COL18A1: variants seen among roughly 807,000 people sequenced by gnomAD.
The protein encoded by COL18A1 is collagen alpha-1(XVIII) chain.
In COL18A1, 133 loss-of-function variants were observed where a neutral mutation model predicts 168.0. The observed-to-expected ratio is 0.79, with a 90% CI of 0.69 to 0.91. The LOEUF (loss-of-function observed/expected upper bound fraction) is 0.91. Among genes scored for constraint, COL18A1 ranks in the 40% least tolerant of loss-of-function variants. COL18A1 has a pLI of 0.00. For missense variants in COL18A1, 2,126 were observed against 1,925.4 expected (o/e 1.10, Z -1.95); for synonymous variants, 949 against 809.0 (o/e 1.17, Z -2.94).
chr21:45,432,705 TC>T (rs1237246487), intron 2 of COL18A1, among the ~76,000 whole-genome samples: 1 of 152,206 alleles, frequency 6.6e-6, no homozygotes, highest in African/African-American at 2.4e-5. Context: ...ATTCCGTGGG[TC>T]CGTGGGCTGG....
rs544689589 is a variant in COL18A1, at chr21:45,490,511, C to T, written c.2031+165C>T. Among the ~76,000 whole-genome samples the T allele has an allele frequency of 5.1e-3, 650 of 128,456 alleles. 5 individuals carry two copies. The highest frequency in any genetic ancestry group is 8.4e-3 in the Middle Eastern group (2 of 238). 84.3% of individuals were successfully genotyped at this position (128,456 alleles called of 152,430 possible). ...GTGCCCTCCCGGGTCTCTGGGCCTCCGTGTGCCCACTCCCGGGTCTCTGGG... is the reference window on the plus strand; with the variant it reads ...GTGCCCTCCCGGGTCTCTGGGCCTCTGTGTGCCCACTCCCGGGTCTCTGGG... On this transcript the variant is annotated intron_variant, in intron 20 of 41. Transcript: ENST00000651438.
chr21:45,429,721 C>T (rs2033901566), intron 2 of COL18A1, among the ~76,000 whole-genome samples: 1 of 152,204 alleles, frequency 6.6e-6, no homozygotes, highest in Non-Finnish European at 1.5e-5. Flanking sequence ...TCAGCATCCT[C>T]TCCAGGGCAT....
chr21:45,454,418 G>A (rs1004958083), intron 2 of COL18A1, among the ~76,000 whole-genome samples: 3 of 152,180 alleles, frequency 2.0e-5, no homozygotes, highest in South Asian at 2.1e-4. Context: ...GCAGGGTGAC[G>A]AGGGACTCCA....
intron 2 of COL18A1, among the ~76,000 whole-genome samples, chr21:45,460,399 G>A (rs1462039135): frequency 2.0e-5 from 3 of 152,198 alleles, no homozygotes; most frequent in Admixed American, 6.5e-5. Flanking sequence ...CACGAGTCCC[G>A]TGATCTTGGA....
chr21:45,446,620 GGA>G (rs2034510792), intron 2 of COL18A1, among the ~76,000 whole-genome samples: 3 of 152,170 alleles, frequency 2.0e-5, no homozygotes, highest in African/African-American at 7.2e-5. Flanking sequence ...CAAAAGACTA[GGA>G]GAGTGGGAAA....
At chr21:45,479,563 A>G (rs1393609538) in intron 9 of COL18A1, among the ~76,000 whole-genome samples, 2 of 114,450 alleles carry the variant, frequency 1.7e-5, no homozygotes, top group Non-Finnish European at 3.6e-5. Flanking sequence ...CATATCACAC[A>G]TGTACACACC....
chr21:45,498,741 G>GGAGAA lies in COL18A1; in HGVS notation c.2683+1084_2683+1088dup, dbSNP rs2036636290. On this transcript the variant is annotated intron_variant, in intron 32 of 41. Transcript: ENST00000651438. The surrounding 1 kb of genome is among the most constrained non-coding windows in gnomAD (Gnocchi z 4.5). ...ATGATGCACAGATGACCAGAAACCA[G>GGAGAA]GAGAAGAGGCCAGTGACACACCAGA... The GGAGAA allele has an allele frequency of 1.6e-6, 1 of 611,302 alleles. No homozygotes were observed. The highest frequency in any genetic ancestry group is 1.8e-5 in the African/African-American group (1 of 54,230). 37.9% of individuals were successfully genotyped at this position (611,302 alleles called of 1,614,324 possible). A position where few individuals can be genotyped will look rare whatever the true frequency, so the allele number is the denominator to read the frequency against.
chr21:45,482,012 A>C lies in COL18A1; in HGVS notation c.1661A>C (p.Gln554Pro). ...GREGPPGRTGQKGSLGEAGAP... is the reference protein window; with the variant it reads ...GREGPPGRTGPKGSLGEAGAP... Reference sequence around the variant, plus strand: ...GAGGGGCCCCCAGGAAGGACTGGGCAGAAAGGCAGCCTGGTAAGTCTTCCC... The same window carrying C: ...GAGGGGCCCCCAGGAAGGACTGGGCCGAAAGGCAGCCTGGTAAGTCTTCCC... Residue 554 changes from glutamine to proline, a missense_variant, in exon 14 of 42, where the codon CAG becomes CCG. Transcript: ENST00000651438. The C allele has an allele frequency of 6.2e-7, 1 of 1,613,370 alleles. No homozygotes were observed. The highest frequency in any genetic ancestry group is 8.5e-7 in the Non-Finnish European group (1 of 1,179,462).
At chr21:45,438,187 G>C (rs1243147409) in intron 2 of COL18A1, among the ~76,000 whole-genome samples, 6 of 62,104 alleles carry the variant, frequency 9.7e-5, no homozygotes, top group East Asian at 4.6e-4. Context: ...CTCACACTCA[G>C]ACACACAGGC....
At chr21:45,435,483 A>G (rs8126556) in intron 2 of COL18A1, among the ~76,000 whole-genome samples, 63,981 of 151,854 alleles carry the variant, frequency 0.42, 14,561 homozygotes, top group African/African-American at 0.61. Context: ...CAGACCCACC[A>G]GGAATGGGCA....
In COL18A1 at chr21:45,486,872, A is replaced by T. The variant is rs1403543115; in HGVS notation, c.1713A>T (p.Gly571=). The T allele has an allele frequency of 2.6e-6, 4 of 1,528,146 alleles. No homozygotes were observed. Among genetic ancestry groups the T allele is most frequent in the Admixed American group, 4.0e-5 (2 of 49,566 alleles). The allele number at this position is 1,528,146 out of a possible 1,614,324, so 94.7% of individuals were successfully genotyped here. ...AGAPGHKGSK[G]APGPAGARGE... ...CTCACCCCACGCAGGGGAGCAAGGGAGCCCCCGGTCCTGCTGGTGCTCGTG... is the reference window on the plus strand; with the variant it reads ...CTCACCCCACGCAGGGGAGCAAGGGTGCCCCCGGTCCTGCTGGTGCTCGTG... Residue 571 remains glycine (G), a synonymous_variant, in exon 16 of 42, where the codon GGA becomes GGT. Coordinates refer to ENST00000651438, the MANE Select transcript of COL18A1 (RefSeq NM_001379500.1).
chr21:45,440,852 G>A (rs185205883), intron 2 of COL18A1, among the ~76,000 whole-genome samples: 10 of 152,300 alleles, frequency 6.6e-5, no homozygotes, highest in African/African-American at 2.4e-4. Context: ...ATGGGCCCAG[G>A]CAGGGTGAGG....
intron 2 of COL18A1, among the ~76,000 whole-genome samples, chr21:45,439,316 G>A (rs954778707): frequency 6.6e-6 from 1 of 152,228 alleles, no homozygotes; most frequent in Non-Finnish European, 1.5e-5. Flanking sequence ...AGCGCGTTCC[G>A]TTTCGGCTCC....
chr21:45,409,259 C>T (rs1488883762), intron 2 of COL18A1, among the ~76,000 whole-genome samples: 2 of 152,164 alleles, frequency 1.3e-5, no homozygotes, highest in African/African-American at 2.4e-5. Flanking sequence ...TGGCAGACGG[C>T]GCAGGGTCTG....
chr21:45,472,235 T>G (rs569911784), intron 3 of COL18A1, among the ~76,000 whole-genome samples: 1 of 151,826 alleles, frequency 6.6e-6, no homozygotes, highest in Non-Finnish European at 1.5e-5. Context: ...TTTTTTGTTT[T>G]TTTTTTGAGA....
chr21:45,458,677 C>T lies in COL18A1; in HGVS notation c.107-9565C>T, dbSNP rs368759916. On this transcript the variant is annotated intron_variant, in intron 2 of 41. Transcript: ENST00000651438. ...ACCCGGGTCCGGTGTCCTGGAGCCCCGGGAGGCTCCAGCACAGCCCACCTT... is the reference window on the plus strand; with the variant it reads ...ACCCGGGTCCGGTGTCCTGGAGCCCTGGGAGGCTCCAGCACAGCCCACCTT... 2.6e-3 allele frequency among the ~76,000 whole-genome samples: 402 copies of T among 152,286 alleles called. 2 individuals are homozygous for T. Among genetic ancestry groups the T allele is most frequent in the African/African-American group, 8.4e-3 (350 of 41,564 alleles).
At chr21:45,487,378 C>T in intron 16 of COL18A1, 69 bp from the exon 17 acceptor site, 6 of 1,566,246 alleles carry the variant, frequency 3.8e-6, no homozygotes, top group Non-Finnish European at 3.5e-6. Context: ...TCGGGCAGTG[C>T]CACCCCAGGG....
intron 32 of COL18A1, among the ~76,000 whole-genome samples, chr21:45,500,382 T>G (rs1336483173): frequency 3.3e-5 from 3 of 90,580 alleles, no homozygotes; most frequent in African/African-American, 5.1e-5. Context: ...GGGGTGGGGG[T>G]GTGTGGAGTG....
At chr21:45,504,175 C>T (rs558525382) in intron 33 of COL18A1, 121 bp downstream of exon 33, 224 of 1,206,660 alleles carry the variant, frequency 1.9e-4, no homozygotes, top group Middle Eastern at 2.6e-4. Flanking sequence ...CTGCGAGGGG[C>T]GCTGGCTCCA....
Sources: gnomAD v4.1 joint callset for allele counts (sites outside exome capture counted in the v4.1 genomes callset) on GRCh38, gnomAD v4.1.1 for gene constraint, Gnocchi (gnomAD v3.1) non-coding constraint, MANE v1.5 for transcripts, NCBI Gene and HGNC (gene_info 2026-07-23, HGNC 2026-07-21) for gene names.